The following PABPC4L variants were observed in gnomAD, a reference collection of about 807,000 sequenced individuals.
PABPC4L encodes poly(A) binding protein cytoplasmic 4 like.
For missense variants in PABPC4L, 452 were observed against 451.4 expected (o/e 1.00, Z -0.01); for synonymous variants, 169 against 164.1 (o/e 1.03, Z -0.23).
chr4:133,951,106 T>G, the PABPC4L span, among the ~76,000 whole-genome samples: 1 of 152,152 alleles, frequency 6.6e-6, no homozygotes, highest in Admixed American at 6.5e-5. Context: ...TTGTTTGTTT[T>G]TTTGTTTGTT....
the PABPC4L span, among the ~76,000 whole-genome samples, chr4:133,955,629 A>AT: frequency 1.3e-5 from 2 of 152,182 alleles, no homozygotes; most frequent in Non-Finnish European, 2.9e-5. Flanking sequence ...GAAAAATTAC[A>AT]TTTTGTAAAA....
the PABPC4L span, among the ~76,000 whole-genome samples, chr4:134,132,045 C>A: frequency 6.6e-6 from 1 of 151,950 alleles, no homozygotes; most frequent in Non-Finnish European, 1.5e-5. Flanking sequence ...TAATCTCTCA[C>A]CTTGTACAAA....
chr4:133,958,168 T>C, the PABPC4L span, among the ~76,000 whole-genome samples: 1 of 152,208 alleles, frequency 6.6e-6, no homozygotes, highest in African/African-American at 2.4e-5. Context: ...GCTTCCCTTC[T>C]AAACATGAGT....
At chr4:133,989,764 G>A in the PABPC4L span, among the ~76,000 whole-genome samples, 4 of 152,116 alleles carry the variant, frequency 2.6e-5, no homozygotes, top group Admixed American at 2.0e-4. Flanking sequence ...CCAATTTTCT[G>A]TATTAGTCTG....
the PABPC4L span, among the ~76,000 whole-genome samples, chr4:134,008,245 A>C: frequency 1.3e-5 from 2 of 151,856 alleles, no homozygotes; most frequent in African/African-American, 2.4e-5. Flanking sequence ...AAAAATTTTG[A>C]AAATTTGTTG....
the PABPC4L span, among the ~76,000 whole-genome samples, chr4:134,055,710 T>A: frequency 6.6e-6 from 1 of 150,702 alleles, no homozygotes; most frequent in Non-Finnish European, 1.5e-5. Flanking sequence ...TTTTTACATA[T>A]ACCAGATCCT....
At chr4:134,178,200 C>T in the PABPC4L span, among the ~76,000 whole-genome samples, 1 of 152,070 alleles carries the variant, frequency 6.6e-6, no homozygotes, top group African/African-American at 2.4e-5. Context: ...CAGGCCCCTG[C>T]CTGTGAGAAC....
chr4:134,170,375 T>C, the PABPC4L span, among the ~76,000 whole-genome samples: 2 of 152,180 alleles, frequency 1.3e-5, no homozygotes, highest in African/African-American at 2.4e-5. Context: ...TAGGTGTACA[T>C]GTGTCTTTAT....
At chr4:134,090,017 C>T in the PABPC4L span, among the ~76,000 whole-genome samples, 318 of 152,136 alleles carry the variant, frequency 2.1e-3, 2 homozygotes, top group African/African-American at 7.5e-3. Flanking sequence ...GAAGTTTCCA[C>T]ACTGTTTTGT....
chr4:134,092,347 A>G, the PABPC4L span, among the ~76,000 whole-genome samples: 3 of 152,068 alleles, frequency 2.0e-5, no homozygotes, highest in African/African-American at 7.2e-5. Flanking sequence ...GCAGCTGGAC[A>G]TTCAGAGAGG....
chr4:134,042,281 G>A, the PABPC4L span, among the ~76,000 whole-genome samples: 1 of 152,012 alleles, frequency 6.6e-6, no homozygotes, highest in South Asian at 2.1e-4. Context: ...AATGGACATT[G>A]GAGACTAGAA....
chr4:134,018,626 A>G, the PABPC4L span, among the ~76,000 whole-genome samples: 4 of 152,146 alleles, frequency 2.6e-5, no homozygotes, highest in Admixed American at 2.6e-4. Flanking sequence ...CTATGGATAC[A>G]AAGATTTTCT....
the PABPC4L span, among the ~76,000 whole-genome samples, chr4:134,086,099 C>T: frequency 7.9e-5 from 12 of 151,740 alleles, no homozygotes; most frequent in Non-Finnish European, 1.8e-4. Flanking sequence ...GTCATGAATC[C>T]TTGAATAAAC....
the PABPC4L span, among the ~76,000 whole-genome samples, chr4:134,169,711 G>C: frequency 1.3e-5 from 2 of 151,812 alleles, no homozygotes; most frequent in Admixed American, 1.3e-4. Flanking sequence ...TAAAATACCT[G>C]GGAATATACT....
the PABPC4L span, among the ~76,000 whole-genome samples, chr4:134,136,167 T>C: frequency 1.3e-5 from 2 of 152,138 alleles, no homozygotes; most frequent in East Asian, 3.9e-4. Context: ...CAATATTTAA[T>C]TAATCTTTTA....
At chr4:134,118,255 A>C in the PABPC4L span, among the ~76,000 whole-genome samples, 184 of 151,930 alleles carry the variant, frequency 1.2e-3, no homozygotes, top group African/African-American at 4.3e-3. Flanking sequence ...AGGATGTCTC[A>C]ACTTTCCTTG....
At chr4:134,120,774 C>G in the PABPC4L span, among the ~76,000 whole-genome samples, 3 of 150,934 alleles carry the variant, frequency 2.0e-5, no homozygotes, top group African/African-American at 7.3e-5. Flanking sequence ...TTTATGTTTG[C>G]TTTTTGTTGT....
chr4:134,136,543 T>C, the PABPC4L span, among the ~76,000 whole-genome samples: 1 of 152,100 alleles, frequency 6.6e-6, no homozygotes, highest in Non-Finnish European at 1.5e-5. Flanking sequence ...TTAACTTCCT[T>C]TACATTTGTT....
the PABPC4L span, among the ~76,000 whole-genome samples, chr4:133,964,359 C>CAGAT: frequency 2.0e-5 from 3 of 151,466 alleles, no homozygotes. Flanking sequence ...AGTCCAGGAC[C>CAGAT]AGATGGATTA....
Sources: allele counts gnomAD v4.1 joint callset (sites outside exome capture counted in the v4.1 genomes callset), GRCh38; gene constraint gnomAD v4.1.1; transcripts MANE v1.5; gene names NCBI Gene and HGNC (gene_info 2026-07-23, HGNC 2026-07-21).